PAPOLA: variants seen among roughly 807,000 people sequenced by gnomAD.
PAPOLA encodes polynucleotide adenylyltransferase alpha.
In PAPOLA, 15 loss-of-function variants were observed where a neutral mutation model predicts 100.6. That is an observed-to-expected ratio of 0.15 (90% CI 0.10 to 0.23). The LOEUF (loss-of-function observed/expected upper bound fraction) is 0.23. Ranked by LOEUF, PAPOLA falls within the 10% of genes least tolerant of loss-of-function variation. The probability of loss-of-function intolerance (pLI) is 1.00; values close to 1 mark genes in which losing one functional copy is unlikely to be tolerated. For synonymous variants in PAPOLA, 293 were observed against 300.0 expected (o/e 0.98, Z 0.24); for missense variants, 533 against 884.2 (o/e 0.60, Z 5.04).
chr14:96,565,068 C>T lies in PAPOLA; in HGVS notation c.*18C>T, dbSNP rs1412037940. The stretch of plus-strand genomic sequence containing the variant: ...ATCGGTAAAAACAACCTCAGGGGTC[C>T]ATAAACAATATCTGCCAACTCAACC... On this transcript the variant is annotated 3_prime_UTR_variant, in exon 22 of 22. Coordinates refer to ENST00000216277, the MANE Select transcript of PAPOLA (RefSeq NM_032632.5). The T allele has an allele frequency of 8.0e-7, 1 of 1,248,266 alleles. No homozygotes were observed. Among genetic ancestry groups the T allele is most frequent in the African/African-American group, 1.5e-5 (1 of 67,718 alleles). The allele number at this position is 1,248,266 out of a possible 1,614,324, so 77.3% of individuals were successfully genotyped here. A position where few individuals can be genotyped will look rare whatever the true frequency, so the allele number is the denominator to read the frequency against.
chr14:96,561,088 C>T (rs1444547561), intron 20 of PAPOLA, among the ~76,000 whole-genome samples: 1 of 152,140 alleles, frequency 6.6e-6, no homozygotes, highest in Non-Finnish European at 1.5e-5. Flanking sequence ...TCAAAGGATA[C>T]ATAGGATTTT....
chr14:96,517,337 G>A lies in PAPOLA; in HGVS notation c.9-2718G>A, dbSNP rs565205740. On this transcript the variant is annotated intron_variant, in intron 1 of 21. Coordinates refer to ENST00000216277, the MANE Select transcript of PAPOLA (RefSeq NM_032632.5). Reference sequence around the variant, plus strand: ...AATTACGTTAGGATATGTGGTAAGCGTACTTTGTATTGTGCACTTGAAAAT... The same window carrying A: ...AATTACGTTAGGATATGTGGTAAGCATACTTTGTATTGTGCACTTGAAAAT... Among the ~76,000 whole-genome samples, 20 of 152,282 alleles carry A rather than the reference G, an allele frequency of 1.3e-4. No homozygotes were observed. The East Asian group carries it at 3.7e-3, about 28-fold the overall frequency.
intron 16 of PAPOLA, among the ~76,000 whole-genome samples, chr14:96,548,159 A>G (rs1264950663): frequency 6.6e-6 from 1 of 152,146 alleles, no homozygotes; most frequent in African/African-American, 2.4e-5. Flanking sequence ...TACTTTGTAT[A>G]TACCCGTATT....
At position 96,555,943 on chromosome 14, in the gene PAPOLA, A is replaced by AG. The variant is rs1901284702; in HGVS notation, c.1765+1dup. On this transcript the variant is annotated frameshift_variant, in exon 18 of 22. Coordinates refer to ENST00000216277, the MANE Select transcript of PAPOLA (RefSeq NM_032632.5). LOFTEE classifies it high-confidence loss of function. ...CACAAGTAAATTCCAGTGAAAGCTC[A>AG]GGGGGTAAGGAGATTGGGTTTGTCA... 2 of 1,585,994 alleles carry AG rather than the reference A, an allele frequency of 1.3e-6. No homozygotes were observed. The highest frequency in any genetic ancestry group is 1.7e-5 in the Admixed American group (1 of 59,828).
intron 15 of PAPOLA, among the ~76,000 whole-genome samples, chr14:96,544,483 C>T (rs1406915427): frequency 6.6e-6 from 1 of 151,984 alleles, no homozygotes; most frequent in African/African-American, 2.4e-5. Context: ...GGAATATTTA[C>T]ATTACACTTA....
intron 20 of PAPOLA, among the ~76,000 whole-genome samples, chr14:96,561,832 T>G (rs959991952): frequency 6.6e-6 from 1 of 152,026 alleles, no homozygotes; most frequent in African/African-American, 2.4e-5. Flanking sequence ...TATTTCGTTT[T>G]TTTTTTTTTT....
At chr14:96,529,604 C>T (rs1898809579) in intron 6 of PAPOLA, among the ~76,000 whole-genome samples, 1 of 151,840 alleles carries the variant, frequency 6.6e-6, no homozygotes, top group African/African-American at 2.4e-5. Flanking sequence ...TGCCTGTAGT[C>T]CCAGCTACTT....
rs966621812 is a variant in PAPOLA at position 96,532,659 on chromosome 14, T to C, written c.836+10T>C. 2 of 1,567,118 alleles carry C rather than the reference T, an allele frequency of 1.3e-6. No individual in the cohort carries two copies. The highest frequency in any genetic ancestry group is 1.7e-6 in the Non-Finnish European group (2 of 1,161,720). ...TGGTATTTTCTAAATGGTATGTGTTTAGATTATATTAAAATAAAATTGATT... is the reference window on the plus strand; with the variant it reads ...TGGTATTTTCTAAATGGTATGTGTTCAGATTATATTAAAATAAAATTGATT... On this transcript the variant is annotated intron_variant, in intron 9 of 21. Coordinates refer to ENST00000216277, the MANE Select transcript of PAPOLA (RefSeq NM_032632.5).
chr14:96,533,889 A>G, intron 9 of PAPOLA: 1 of 985,706 alleles, frequency 1.0e-6, no homozygotes, highest in Non-Finnish European at 1.2e-6. Context: ...TATATAAGCA[A>G]ATAATGTTTT....
intron 9 of PAPOLA, chr14:96,533,027 G>C (rs920585836): frequency 9.2e-6 from 9 of 983,558 alleles, no homozygotes; most frequent in African/African-American, 1.7e-5. Flanking sequence ...TTAGTTTCTT[G>C]TGATTGTTTT....
chr14:96,524,748 G>C (rs1898318829), intron 3 of PAPOLA, among the ~76,000 whole-genome samples: 1 of 152,114 alleles, frequency 6.6e-6, no homozygotes, highest in African/African-American at 2.4e-5. Flanking sequence ...GTCTCAATCT[G>C]GGCTCAAGCA....
intron 1 of PAPOLA, among the ~76,000 whole-genome samples, chr14:96,506,691 G>T (rs80064276): frequency 5.3e-5 from 8 of 152,140 alleles, no homozygotes; most frequent in African/African-American, 1.9e-4. Context: ...GCTGTATAAT[G>T]TGTGCTTAAA....
rs779300073 is a variant in PAPOLA at position 96,531,658 on chromosome 14, G to A, written c.607+72G>A. 3.9e-6 allele frequency: 6 copies of A among 1,545,392 alleles called. 1 individual carries two copies. Among genetic ancestry groups the A allele is most frequent in the Non-Finnish European group, 5.2e-6 (6 of 1,145,898 alleles). ...TATTAGTTGTTTTTACACAAGTTTT[G>A]TATTGAAGCTTTTTATAGCTATATT... is the stretch of plus-strand genomic sequence containing the variant. On this transcript the variant is annotated intron_variant, in intron 7 of 21. Transcript: ENST00000216277.
At position 96,565,544 on chromosome 14, in the gene PAPOLA, T is replaced by C. The variant is rs1339593695; in HGVS notation, c.*494T>C. Reference sequence around the variant, plus strand: ...AATTGGATACTGTTGTGCAGTGGTGTACTGTTATACTTCAGAGAAAGGGTA... The same window carrying C: ...AATTGGATACTGTTGTGCAGTGGTGCACTGTTATACTTCAGAGAAAGGGTA... On this transcript the variant is annotated 3_prime_UTR_variant, in exon 22 of 22. Coordinates refer to ENST00000216277, the MANE Select transcript of PAPOLA (RefSeq NM_032632.5). 1 of 398,094 alleles carries C rather than the reference T, an allele frequency of 2.5e-6. No homozygotes were observed. The allele number at this position is 398,094 out of a possible 1,614,324, so 24.7% of individuals were successfully genotyped here.
At chr14:96,535,831 C>T (rs374018438) in intron 10 of PAPOLA, 48 bp from the exon 11 acceptor site, 50 of 1,411,096 alleles carry the variant, frequency 3.5e-5, no homozygotes, top group Non-Finnish European at 4.6e-5. Context: ...GCCCAAGTAT[C>T]TGTTGCATAT....
At chr14:96,564,432 C>G (rs1902120580) in intron 21 of PAPOLA, among the ~76,000 whole-genome samples, 1 of 151,890 alleles carries the variant, frequency 6.6e-6, no homozygotes, top group African/African-American at 2.4e-5. Flanking sequence ...GTGATTTAAT[C>G]TAATTAATAT....
chr14:96,507,580 TA>T (rs1053632669), intron 1 of PAPOLA, among the ~76,000 whole-genome samples: 4 of 152,122 alleles, frequency 2.6e-5, no homozygotes, highest in African/African-American at 7.2e-5. Flanking sequence ...TGGCCGAAAA[TA>T]GTTTTTTAAA....
chr14:96,539,662 C>A (rs548696205), intron 12 of PAPOLA, among the ~76,000 whole-genome samples: 1 of 152,020 alleles, frequency 6.6e-6, no homozygotes, highest in African/African-American at 2.4e-5. Context: ...GAGGCACTTG[C>A]GCATCATAAA....
At chr14:96,554,728 T>G (rs1901151203) in intron 17 of PAPOLA, among the ~76,000 whole-genome samples, 1 of 152,196 alleles carries the variant, frequency 6.6e-6, no homozygotes, top group African/African-American at 2.4e-5. Context: ...ATTTAAATGC[T>G]AATGTGTAGG....
Sources: gnomAD v4.1 joint callset for allele counts (sites outside exome capture counted in the v4.1 genomes callset) on GRCh38, gnomAD v4.1.1 for gene constraint, MANE v1.5 for transcripts, NCBI Gene and HGNC (gene_info 2026-07-23, HGNC 2026-07-21) for gene names.